MTMR2: variants seen among roughly 807,000 people sequenced by gnomAD.
MTMR2 encodes the protein phosphatidylinositol-3,5-bisphosphate 3-phosphatase MTMR2.
A neutral mutation model predicts 86.9 loss-of-function variants in MTMR2; 55 were observed. The observed-to-expected ratio is 0.63, with a 90% CI of 0.51 to 0.79. The LOEUF is 0.79. MTMR2 is among the 30% of genes least tolerant of loss of function. The pLI is 0.00. For synonymous variants in MTMR2, 241 were observed against 266.8 expected (o/e 0.90, Z 0.94); for missense variants, 659 against 772.3 (o/e 0.85, Z 1.74).
rs1160054714 is a variant in MTMR2, at chr11:95,845,107, G to C, written c.1232C>G (p.Thr411Arg). Reference protein sequence around the residue: ...RIADKVESGKTSVVVHCSDGW... With the variant: ...RIADKVESGKRSVVVHCSDGW... ...ATCACTGCAATGCACTACCACAGACGTCTTCCCTGACTCTACCTTGTCAGC... is the reference window on the plus strand; with the variant it reads ...ATCACTGCAATGCACTACCACAGACCTCTTCCCTGACTCTACCTTGTCAGC... Residue 411 changes from threonine to arginine, a missense_variant, in exon 11 of 15, where the codon ACG becomes AGG. This residue lies in a region of MTMR2 where 387 missense variants were observed against 526.3 expected (regional missense o/e 0.74). Transcript: ENST00000346299. The C allele has an allele frequency of 3.7e-6, 6 of 1,613,934 alleles. No individual in the cohort carries two copies. The highest frequency in any genetic ancestry group is 4.2e-6 in the Non-Finnish European group (5 of 1,179,880).
At chr11:95,837,389 TAAAAC>T (rs1021969573) in intron 13 of MTMR2, among the ~76,000 whole-genome samples, 13 of 152,038 alleles carry the variant, frequency 8.6e-5, no homozygotes, top group African/African-American at 2.4e-4. Context: ...CTTTATAAAA[TAAAAC>T]ATAAATACTT....
chr11:95,908,009 C>A, intron 1 of MTMR2: 1 of 215,442 alleles, frequency 4.6e-6, no homozygotes, highest in Admixed American at 5.6e-5. Flanking sequence ...AGCAATCAGG[C>A]AAGAGAAAGA....
intron 10 of MTMR2, among the ~76,000 whole-genome samples, chr11:95,845,766 T>G (rs959272051): frequency 6.6e-6 from 1 of 152,000 alleles, no homozygotes; most frequent in Non-Finnish European, 1.5e-5. Context: ...AGCTCTTATT[T>G]TTTTAAATAT....
At position 95,858,599 on chromosome 11, in the gene MTMR2, C is replaced by G. The variant is rs1864296793; in HGVS notation, c.502G>C (p.Glu168Gln). Residue 168 changes from glutamate (E) to glutamine (Q), a missense_variant, in exon 6 of 15, where the codon GAG (glutamate) becomes CAG (glutamine). Coordinates refer to ENST00000346299, the MANE Select transcript of MTMR2 (RefSeq NM_016156.6). ...IRNLRFAHKP[E>Q]GRTRRSIFEN... ...AATATGGATCTTCTTGTCCGCCCCT[C>G]AGGTTTATGAGCAAATCGTAAATTC... The G allele has an allele frequency of 1.2e-6, 2 of 1,612,488 alleles. No homozygotes were observed. The highest frequency in any genetic ancestry group is 1.7e-6 in the Non-Finnish European group (2 of 1,178,870).
At chr11:95,870,558 T>C (rs996916035) in intron 2 of MTMR2, among the ~76,000 whole-genome samples, 5 of 152,088 alleles carry the variant, frequency 3.3e-5, no homozygotes, top group Admixed American at 1.3e-4. Context: ...GAAGCAATTA[T>C]ATGAATAATA....
At chr11:95,868,553 G>A (rs1367093378) in intron 2 of MTMR2, among the ~76,000 whole-genome samples, 1 of 151,256 alleles carries the variant, frequency 6.6e-6, no homozygotes, top group Non-Finnish European at 1.5e-5. Flanking sequence ...AATCATCATG[G>A]AAAATAATCA....
At chr11:95,875,911 A>C (rs1865091658) in intron 2 of MTMR2, among the ~76,000 whole-genome samples, 1 of 152,192 alleles carries the variant, frequency 6.6e-6, no homozygotes, top group Admixed American at 6.5e-5. Context: ...TCTGCAGAAC[A>C]GTAGATATTG....
intron 9 of MTMR2, 146 bp from the exon 10 acceptor site, chr11:95,848,045 CTT>C: frequency 1.3e-6 from 1 of 769,184 alleles, no homozygotes; most frequent in Non-Finnish European, 2.2e-6. Context: ...CTCAGGACAA[CTT>C]ATTTAGCACA....
In MTMR2 at chr11:95,875,648, G is replaced by T. The variant is rs574442185; in HGVS notation, c.187-9972C>A. On this transcript the variant is annotated intron_variant, in intron 2 of 14. Coordinates refer to ENST00000346299, the MANE Select transcript of MTMR2 (RefSeq NM_016156.6). ...CGTTCCGTTGTTGGTGAGGAGCTGC[G>T]TTCCTCTGGAGGAGGAGAGGTGCTC... 6.6e-5 allele frequency among the ~76,000 whole-genome samples: 10 copies of T among 152,274 alleles called. No individual in the cohort carries two copies. In the South Asian group the frequency reaches 2.1e-3, roughly 32 times the overall value.
intron 11 of MTMR2, among the ~76,000 whole-genome samples, chr11:95,842,322 G>T (rs1014514079): frequency 5.9e-5 from 9 of 151,284 alleles, no homozygotes; most frequent in Admixed American, 5.9e-4. Context: ...TTGTCCTGGA[G>T]ATTTTAATTT....
intron 1 of MTMR2, among the ~76,000 whole-genome samples, chr11:95,921,212 C>A (rs1866909026): frequency 1.3e-5 from 2 of 152,154 alleles, no homozygotes; most frequent in South Asian, 2.1e-4. Context: ...CTAAACTCAG[C>A]AGAAATTTAT....
chr11:95,834,587 T>A lies in MTMR2; in HGVS notation c.*703A>T, dbSNP rs1418102673. On this transcript the variant is annotated 3_prime_UTR_variant, in exon 15 of 15. Transcript: ENST00000346299. ...TGGGCTAATCTGAAGGGCATGGAAT[T>A]CTTTGAACTCCTGTATGGCTACTTT... The A allele has an allele frequency of 1.3e-5, 2 of 152,352 alleles. No homozygotes were observed. Among genetic ancestry groups the A allele is most frequent in the African/African-American group, 4.8e-5 (2 of 41,550 alleles). 9.4% of individuals were successfully genotyped at this position (152,352 alleles called of 1,614,324 possible).
chr11:95,901,163 C>T (rs1446722006), intron 1 of MTMR2, among the ~76,000 whole-genome samples: 15 of 152,170 alleles, frequency 9.9e-5, no homozygotes, highest in Admixed American at 9.8e-4. Flanking sequence ...ATTCCCACAT[C>T]TTCAGTTACC....
chr11:95,849,973 T>C, intron 8 of MTMR2, 111 bp from the exon 9 acceptor site: 2 of 1,014,434 alleles, frequency 2.0e-6, no homozygotes, highest in Non-Finnish European at 3.0e-6. Context: ...AGCCTGGCCA[T>C]GAAAGGACAT....
intron 1 of MTMR2, among the ~76,000 whole-genome samples, chr11:95,888,625 C>A (rs1865598653): frequency 6.6e-6 from 1 of 152,076 alleles, no homozygotes; most frequent in Non-Finnish European, 1.5e-5. Flanking sequence ...ATGACATCAT[C>A]CCCATGTTCA....
At chr11:95,890,235 T>C (rs1466972033) in intron 1 of MTMR2, among the ~76,000 whole-genome samples, 3 of 152,208 alleles carry the variant, frequency 2.0e-5, no homozygotes. Context: ...AAAGAAAAAG[T>C]GATAGGCTGT....
chr11:95,849,269 C>T (rs1234828026), intron 9 of MTMR2, among the ~76,000 whole-genome samples: 2 of 152,044 alleles, frequency 1.3e-5, no homozygotes, highest in East Asian at 1.9e-4. Context: ...CACCACTAGT[C>T]ACCGAGAACA....
intron 1 of MTMR2, among the ~76,000 whole-genome samples, chr11:95,900,459 GATAAA>G (rs1866030705): frequency 6.6e-6 from 1 of 152,174 alleles, no homozygotes; most frequent in African/African-American, 2.4e-5. Flanking sequence ...TTAATAAAAT[GATAAA>G]TTAATTACAA....
chr11:95,897,066 C>T (rs909242120), intron 1 of MTMR2, among the ~76,000 whole-genome samples: 32 of 152,190 alleles, frequency 2.1e-4, no homozygotes, highest in Non-Finnish European at 3.5e-4. Context: ...ATTACACTGT[C>T]ACTCTGTGAA....
Sources: gnomAD v4.1 joint callset for allele counts (sites outside exome capture counted in the v4.1 genomes callset) on GRCh38, gnomAD v4.1.1 for gene constraint, gnomAD v4.1.1 regional missense constraint, MANE v1.5 for transcripts, NCBI Gene and HGNC (gene_info 2026-07-23, HGNC 2026-07-21) for gene names.